Variants in DOCK2 observed in about 807,000 individuals in gnomAD.
DOCK2 encodes dedicator of cytokinesis 2.
A neutral mutation model predicts 248.9 loss-of-function variants in DOCK2; 87 were observed. The observed-to-expected ratio is 0.35, with a 90% confidence interval of 0.29 to 0.42. The LOEUF is 0.42. Among genes scored for constraint, DOCK2 ranks in the 10% least tolerant of loss-of-function variants. The pLI, the probability that DOCK2 is intolerant of heterozygous loss-of-function variation, is 1.00. For missense variants in DOCK2, 1,747 were observed against 2,300.2 expected, an observed-to-expected ratio of 0.76 and a Z score of 4.92; for synonymous variants, 805 against 821.6, an observed-to-expected ratio of 0.98 and a Z score of 0.35.
chr5:170,043,293 TA>T (rs1418318260), intron 38 of DOCK2, among the ~76,000 whole-genome samples: 7 of 152,200 alleles, frequency 4.6e-5, no homozygotes, highest in Non-Finnish European at 1.0e-4. Flanking sequence ...ACCTTCTTTC[TA>T]GTTGTACCGT....
intron 26 of DOCK2, among the ~76,000 whole-genome samples, chr5:169,822,671 G>C (rs1042202516): frequency 6.6e-6 from 1 of 152,110 alleles, no homozygotes; most frequent in Non-Finnish European, 1.5e-5. Flanking sequence ...AAGCAGGAAA[G>C]ATCTAAAATT....
intron 25 of DOCK2, among the ~76,000 whole-genome samples, chr5:169,788,984 C>T (rs1766157731): frequency 1.3e-5 from 2 of 152,098 alleles, no homozygotes; most frequent in Non-Finnish European, 2.9e-5. Context: ...TGATCCTCTC[C>T]CTCCTTCTAC....
rs939961204 is a variant in DOCK2 at position 169,998,106 on chromosome 5, A to G, written c.3072+1942A>G. On this transcript the variant is annotated intron_variant, in intron 30 of 51. Transcript: ENST00000520908. ...TGACTCCTCCCTGAGGATCACCCCC[A>G]CTCACTCCACAGTCATTATGCAAAA... 2.3e-4 allele frequency: 103 copies of G among 453,850 alleles called. No individual in the cohort carries two copies. The Admixed American group carries it at 2.4e-3, about 11-fold the overall frequency. The allele number at this position is 453,850 out of a possible 1,614,324, so 28.1% of individuals were successfully genotyped here. A position where few individuals can be genotyped will look rare whatever the true frequency, so the allele number is the denominator to read the frequency against.
At chr5:169,919,437 A>G (rs1056223047) in intron 27 of DOCK2, among the ~76,000 whole-genome samples, 25 of 152,232 alleles carry the variant, frequency 1.6e-4, no homozygotes, top group Admixed American at 1.5e-3. Flanking sequence ...TAAATCCCCA[A>G]CTAAAAAGTA....
intron 32 of DOCK2, among the ~76,000 whole-genome samples, chr5:170,015,664 C>T (rs1755500865): frequency 6.6e-6 from 1 of 152,008 alleles, no homozygotes; most frequent in South Asian, 2.1e-4. Flanking sequence ...TCGTAACTTG[C>T]CCTCATCCTT....
chr5:170,073,110 T>C (rs1157589493), intron 46 of DOCK2, among the ~76,000 whole-genome samples: 1 of 152,202 alleles, frequency 6.6e-6, no homozygotes, highest in South Asian at 2.1e-4. Flanking sequence ...TTCTCCTATG[T>C]TTTATTCTGA....
At position 169,843,446 on chromosome 5, in the gene DOCK2, C is replaced by T. The variant is rs549371795; in HGVS notation, c.2799+2594C>T. Among the ~76,000 whole-genome samples the T allele has an allele frequency of 3.4e-4, 52 of 152,226 alleles. 1 individual carries two copies. Among genetic ancestry groups the T allele is most frequent in the South Asian group, 2.1e-3 (10 of 4,820 alleles). On this transcript the variant is annotated intron_variant, in intron 27 of 51. Coordinates refer to ENST00000520908, the MANE Select transcript of DOCK2 (RefSeq NM_004946.3). ...CTGAGGCAGGAGAATGGCATGAACCCGGGAGGCAGAGGTTGCAGTGAACCA... is the reference window on the plus strand; with the variant it reads ...CTGAGGCAGGAGAATGGCATGAACCTGGGAGGCAGAGGTTGCAGTGAACCA...
At chr5:169,713,979 A>G (rs1581081607) in intron 17 of DOCK2, 49 bp from the exon 18 acceptor site, 1 of 1,530,744 alleles carries the variant, frequency 6.5e-7, no homozygotes, top group East Asian at 2.3e-5. Context: ...TCTGTGTGGC[A>G]TTGGGCATGG....
intron 38 of DOCK2, among the ~76,000 whole-genome samples, chr5:170,043,668 A>T (rs1756595710): frequency 6.6e-6 from 1 of 152,230 alleles, no homozygotes; most frequent in Non-Finnish European, 1.5e-5. Context: ...ATAATTTACA[A>T]TTATAAGCCT....
chr5:169,648,313 A>G (rs1757589533), intron 1 of DOCK2, among the ~76,000 whole-genome samples: 2 of 152,150 alleles, frequency 1.3e-5, no homozygotes, highest in South Asian at 2.1e-4. Context: ...TGGGACAAGA[A>G]AAATGTCTCC....
rs747147552 is a variant in DOCK2, at chr5:169,714,220, G to T, written c.1843+9G>T. The T allele has an allele frequency of 2.5e-6, 4 of 1,602,982 alleles. No homozygotes were observed. The highest frequency in any genetic ancestry group is 2.2e-5 in the South Asian group (2 of 89,978). On this transcript the variant is annotated intron_variant, in intron 18 of 51. Transcript: ENST00000520908. ...AAAGCTCACTCAGAATGGTAATCGGGTCATCAAGAGTTGTGTCTGTGGGGA... is the reference window on the plus strand; with the variant it reads ...AAAGCTCACTCAGAATGGTAATCGGTTCATCAAGAGTTGTGTCTGTGGGGA...
At chr5:169,966,262 G>A (rs1029854725) in intron 27 of DOCK2, among the ~76,000 whole-genome samples, 3 of 151,984 alleles carry the variant, frequency 2.0e-5, no homozygotes, top group African/African-American at 7.3e-5. Flanking sequence ...GATAAAATGG[G>A]CTGCAAATGT....
chr5:169,884,002 T>G (rs1253995341), intron 27 of DOCK2: 1 of 1,169,604 alleles, frequency 8.5e-7, no homozygotes, highest in African/African-American at 1.5e-5. Flanking sequence ...CATAGAGAAC[T>G]GCTGGCCAGG....
Position 169,699,370 on chromosome 5 carries a change from T to C in DOCK2, c.1056-12T>C. On this transcript the variant is annotated splice_polypyrimidine_tract_variant and intron_variant, in intron 11 of 51. Transcript: ENST00000520908. ...ACGATGTGGACATTTCATGCTCTCTTTTCCTTTCCAGGGTTACAGCTGAGA... is the reference window on the plus strand; with the variant it reads ...ACGATGTGGACATTTCATGCTCTCTCTTCCTTTCCAGGGTTACAGCTGAGA... 1 of 1,612,242 alleles carries C rather than the reference T, an allele frequency of 6.2e-7. No homozygotes were observed. Among genetic ancestry groups the C allele is most frequent in the Non-Finnish European group, 8.5e-7 (1 of 1,178,964 alleles).
intron 2 of DOCK2, among the ~76,000 whole-genome samples, chr5:169,659,070 TCCAACTCCAGGGC>T (rs1445249510): frequency 6.6e-6 from 1 of 150,868 alleles, no homozygotes; most frequent in African/African-American, 2.4e-5. Flanking sequence ...CAGTCTGGTC[TCCAACTCCAGGGC>T]CCAAGCAGTC....
In DOCK2 at chr5:170,034,492, T is replaced by A; in HGVS notation, c.3561T>A (p.Asp1187Glu). The A allele has an allele frequency of 6.2e-7, 1 of 1,614,152 alleles. No homozygotes were observed. The highest frequency in any genetic ancestry group is 8.5e-7 in the Non-Finnish European group (1 of 1,180,012). ...AAGGCCTCCTGGAGAAGCTGCTGGA[T>A]TACCGGGGTGTGATGACAGATGAGA... is the stretch of plus-strand genomic sequence containing the variant. ...LVKGLLEKLL[D>E]YRGVMTDESK... Residue 1187 changes from aspartate to glutamate, a missense_variant, in exon 35 of 52, where the codon GAT becomes GAA. By Grantham distance (45) the Asp-to-Glu change is conservative (BLOSUM62 2). This residue lies in a region of DOCK2 where 858 missense variants were observed against 1,183.5 expected (regional missense o/e 0.72). Transcript: ENST00000520908.
At chr5:169,999,224 T>G (rs1754750761) in intron 30 of DOCK2, among the ~76,000 whole-genome samples, 1 of 152,212 alleles carries the variant, frequency 6.6e-6, no homozygotes, top group Non-Finnish European at 1.5e-5. Flanking sequence ...GTTTCATACA[T>G]GAGAAGTACG....
chr5:170,008,438 G>A lies in DOCK2; in HGVS notation c.3073-59G>A, dbSNP rs370118475. The A allele has an allele frequency of 4.1e-4, 635 of 1,561,900 alleles. 3 individuals carry two copies. Among genetic ancestry groups the A allele is most frequent in the East Asian group, 4.7e-4 (21 of 44,538 alleles). Reference sequence around the variant, plus strand: ...TCATAAATTATTCACACTACCCAGCGCTTATGCCTTCCCGCTTCAGACCCT... The same window carrying A: ...TCATAAATTATTCACACTACCCAGCACTTATGCCTTCCCGCTTCAGACCCT... On this transcript the variant is annotated intron_variant, in intron 30 of 51. Coordinates refer to ENST00000520908, the MANE Select transcript of DOCK2 (RefSeq NM_004946.3).
intron 26 of DOCK2, among the ~76,000 whole-genome samples, chr5:169,810,074 C>T (rs1278399995): frequency 6.6e-6 from 1 of 152,144 alleles, no homozygotes; most frequent in African/African-American, 2.4e-5. Context: ...CCGCCCACCC[C>T]AGCACAATGC....
Sources: gnomAD v4.1 joint callset for allele counts (sites outside exome capture counted in the v4.1 genomes callset) on GRCh38, gnomAD v4.1.1 for gene constraint, gnomAD v4.1.1 regional missense constraint, MANE v1.5 for transcripts, NCBI Gene and HGNC (gene_info 2026-07-23, HGNC 2026-07-21) for gene names.